The following MEP1A variants were observed in gnomAD, a reference collection of about 807,000 sequenced individuals.
MEP1A encodes the protein N-benzoyl-L-tyrosyl-P-amino-benzoic acid hydrolase subunit alpha.
In MEP1A, 68 loss-of-function variants were observed where a neutral mutation model predicts 84.5. The observed-to-expected ratio is 0.80, with a 90% confidence interval of 0.66 to 0.98. The LOEUF is 0.98. MEP1A is among the 50% of genes least tolerant of loss of function. The pLI is 0.00. For missense variants in MEP1A, 887 were observed against 919.9 expected, an observed-to-expected ratio of 0.96 and a Z score of 0.46; for synonymous variants, 337 against 336.8, an observed-to-expected ratio of 1.00 and a Z score of -0.01.
the MEP1A span, among the ~76,000 whole-genome samples, chr6:46,845,842 T>G: frequency 1.3e-5 from 2 of 152,208 alleles, no homozygotes; most frequent in Middle Eastern, 3.2e-3. Flanking sequence ...CACTTTTGCT[T>G]AAACTAGTTT....
At chr6:46,826,053 A>G (rs9472882) in intron 8 of MEP1A, among the ~76,000 whole-genome samples, 5,966 of 152,278 alleles carry the variant, frequency 0.039, 412 homozygotes, top group African/African-American at 0.14. Context: ...CCTACTAAGT[A>G]CAAAGCCAAA....
rs367917890 is a variant in MEP1A at position 46,839,148 on chromosome 6, G to T, written c.*12G>T. 6.2e-7 allele frequency: 1 copy of T among 1,609,662 alleles called. No individual in the cohort carries two copies. The highest frequency in any genetic ancestry group is 1.3e-5 in the African/African-American group (1 of 74,822). On this transcript the variant is annotated 3_prime_UTR_variant, in exon 14 of 14. Coordinates refer to ENST00000230588, the MANE Select transcript of MEP1A (RefSeq NM_005588.3). ...GGCCAAGGAAGTGACCTGCCTGCTG[G>T]CATTGGCCAGACCACAGCAGCACCT...
At position 46,839,749 on chromosome 6, in the gene MEP1A, T is replaced by G. The variant is rs963289622; in HGVS notation, c.*613T>G. 3.9e-5 allele frequency: 6 copies of G among 152,184 alleles called. No homozygotes were observed. The highest frequency in any genetic ancestry group is 1.2e-4 in the African/African-American group (5 of 41,444). The allele number at this position is 152,184 out of a possible 1,614,324, so 9.4% of individuals were successfully genotyped here. A position where few individuals can be genotyped will look rare whatever the true frequency, so the allele number is the denominator to read the frequency against. On this transcript the variant is annotated 3_prime_UTR_variant, in exon 14 of 14. Transcript: ENST00000230588. The stretch of plus-strand genomic sequence containing the variant: ...CCTCTGAGATTCTAAGAGAAGGCCT[T>G]TAATAAATTTAATAAATATTGAGTT...
intron 3 of MEP1A, among the ~76,000 whole-genome samples, chr6:46,794,166 G>A (rs938672682): frequency 1.3e-5 from 2 of 152,096 alleles, no homozygotes; most frequent in Non-Finnish European, 2.9e-5. Flanking sequence ...TCTCCACTTA[G>A]ACATCTCATT....
At position 46,833,314 on chromosome 6, in the gene MEP1A, C is replaced by T. The variant is rs756062559; in HGVS notation, c.1385C>T (p.Ser462Leu). The change falls in exon 11 of 14, where the codon TCG becomes TTG. Residue 462 changes from serine to leucine, a missense_variant. Physicochemically the swap from Ser to Leu is moderately radical, Grantham distance 145. Transcript: ENST00000230588. ...DKLQSPRFYN[S>L]EGYGFGVTLY... ...CTTCAGAGCCCTCGATTCTACAATT[C>T]GGAGGGATATGGTTTTGGGGTAACT... is the stretch of plus-strand genomic sequence containing the variant. 5.3e-5 allele frequency: 86 copies of T among 1,613,994 alleles called. 1 individual carries two copies. In the South Asian group the frequency reaches 5.6e-4, roughly 11 times the overall value.
Position 46,833,311 on chromosome 6 carries a change from A to T in MEP1A, c.1382A>T (p.Asn461Ile), listed in dbSNP as rs1167221533. The change falls in exon 11 of 14, where the codon AAT becomes ATT. Residue 461 changes from asparagine (N) to isoleucine (I), a missense_variant. Coordinates refer to ENST00000230588, the MANE Select transcript of MEP1A (RefSeq NM_005588.3). ...GDKLQSPRFY[N>I]SEGYGFGVTL... is the part of the protein sequence containing the mutation. The stretch of plus-strand genomic sequence containing the variant: ...AAGCTTCAGAGCCCTCGATTCTACA[A>T]TTCGGAGGGATATGGTTTTGGGGTA... 1 of 1,614,140 alleles carries T rather than the reference A, an allele frequency of 6.2e-7. No homozygotes were observed. Among genetic ancestry groups the T allele is most frequent in the East Asian group, 2.2e-5 (1 of 44,888 alleles).
In MEP1A at chr6:46,807,666, AAGG is replaced by A. The variant is rs762571970; in HGVS notation, c.263-1742_263-1740del. On this transcript the variant is annotated intron_variant, in intron 5 of 13. Transcript: ENST00000230588. ...GAAAGGAGAGGAGGAGGAAGAGAAG[AAGG>A]AGGAGGAGGAGAAGGAGGAGGAGGA... is the stretch of plus-strand genomic sequence containing the variant. Among the ~76,000 whole-genome samples, 191 of 147,606 alleles carry A rather than the reference AAGG, an allele frequency of 1.3e-3. 1 individual carries two copies. The highest frequency in any genetic ancestry group is 2.1e-3 in the Non-Finnish European group (139 of 66,630).
At chr6:46,812,321 C>T (rs962065733) in intron 6 of MEP1A, among the ~76,000 whole-genome samples, 2 of 151,902 alleles carry the variant, frequency 1.3e-5, no homozygotes, top group African/African-American at 2.4e-5. Flanking sequence ...TGTAATAGCT[C>T]CCATTTTGTT....
At position 46,829,400 on chromosome 6, in the gene MEP1A, G is replaced by C. The variant is rs780679267; in HGVS notation, c.973G>C (p.Glu325Gln). Residue 325 changes from glutamate to glutamine, a missense_variant, in exon 10 of 14, where the codon GAA (glutamate) becomes CAA (glutamine). Physicochemically the swap from Glu to Gln is conservative, Grantham distance 29. Coordinates refer to ENST00000230588, the MANE Select transcript of MEP1A (RefSeq NM_005588.3). ...MQFSTSSGSAEEAALLESRIL... is the reference protein window; with the variant it reads ...MQFSTSSGSAQEAALLESRIL... Reference sequence around the variant, plus strand: ...GTTCAGCACCAGCTCGGGGTCCGCGGAAGAGGCAGCCCTACTGGAGTCTCG... The same window carrying C: ...GTTCAGCACCAGCTCGGGGTCCGCGCAAGAGGCAGCCCTACTGGAGTCTCG... 1.2e-6 allele frequency: 2 copies of C among 1,614,042 alleles called. No individual in the cohort carries two copies. Among genetic ancestry groups the C allele is most frequent in the Non-Finnish European group, 8.5e-7 (1 of 1,180,036 alleles).
At position 46,824,357 on chromosome 6, in the gene MEP1A, T is replaced by G. The variant is rs527402390; in HGVS notation, c.557-915T>G. ...GTATTTAGTCATTTCTAATATTTAT[T>G]TAAATTTACAATATGTATTTTATAG... On this transcript the variant is annotated intron_variant, in intron 7 of 13. Coordinates refer to ENST00000230588, the MANE Select transcript of MEP1A (RefSeq NM_005588.3). Among the ~76,000 whole-genome samples the G allele has an allele frequency of 4.0e-5, 6 of 149,798 alleles. No homozygotes were observed. In the South Asian group the frequency reaches 1.3e-3, roughly 31 times the overall value.
intron 3 of MEP1A, among the ~76,000 whole-genome samples, chr6:46,798,215 AC>A (rs1767109715): frequency 6.6e-6 from 1 of 151,950 alleles, no homozygotes; most frequent in African/African-American, 2.4e-5. Flanking sequence ...TGATTCATCC[AC>A]CTTGGCCTCC....
chr6:46,802,166 G>T (rs1488892318), intron 5 of MEP1A, among the ~76,000 whole-genome samples: 1 of 151,788 alleles, frequency 6.6e-6, no homozygotes, highest in Non-Finnish European at 1.5e-5. Context: ...ACATAAATTT[G>T]TAGAAAACTA....
intron 10 of MEP1A, among the ~76,000 whole-genome samples, chr6:46,832,008 C>A (rs901308538): frequency 9.2e-5 from 14 of 152,110 alleles, no homozygotes; most frequent in African/African-American, 3.4e-4. Flanking sequence ...CATTGTTAGA[C>A]CTGTCCCTTG....
downstream of MEP1A, among the ~76,000 whole-genome samples, chr6:46,844,020 T>C (rs1562121425): frequency 6.6e-6 from 1 of 152,220 alleles, no homozygotes; most frequent in Admixed American, 6.5e-5. Context: ...TTTTACTTGG[T>C]TTTCTTTATT....
rs1380651580 is a variant in MEP1A at position 46,829,302 on chromosome 6, G to A, written c.929-54G>A. On this transcript the variant is annotated intron_variant, in intron 9 of 13. Coordinates refer to ENST00000230588, the MANE Select transcript of MEP1A (RefSeq NM_005588.3). ...CTATTTCACTTTGTTTGGGTGGACAGAACCCTGGGGTGTGGGAAGCCAGAC... is the reference window on the plus strand; with the variant it reads ...CTATTTCACTTTGTTTGGGTGGACAAAACCCTGGGGTGTGGGAAGCCAGAC... The A allele has an allele frequency of 2.0e-6, 3 of 1,490,122 alleles. No individual in the cohort carries two copies. In the African/African-American group the frequency reaches 4.1e-5, roughly 21 times the overall value. The allele number at this position is 1,490,122 out of a possible 1,614,324, so 92.3% of individuals were successfully genotyped here.
intron 10 of MEP1A, among the ~76,000 whole-genome samples, chr6:46,831,655 A>G (rs140014659): frequency 1.3e-5 from 2 of 152,256 alleles, no homozygotes; most frequent in African/African-American, 4.8e-5. Context: ...TTGACATCCT[A>G]TATTAAGAAA....
chr6:46,816,660 T>C (rs1767643067), intron 6 of MEP1A, among the ~76,000 whole-genome samples: 1 of 152,074 alleles, frequency 6.6e-6, no homozygotes, highest in African/African-American at 2.4e-5. Flanking sequence ...TGAACCTGGT[T>C]ACTTGGAGAA....
Position 46,821,658 on chromosome 6 carries a change from A to G in MEP1A, c.556+1954A>G, listed in dbSNP as rs1023137706. 2.6e-5 allele frequency among the ~76,000 whole-genome samples: 4 copies of G among 152,190 alleles called. No homozygotes were observed. The South Asian group carries it at 6.2e-4, about 24-fold the overall frequency. ...GAAGCAGAAAACATTTCTATTTCCA[A>G]GTCTTATAGAATACAATACTTAATG... On this transcript the variant is annotated intron_variant, in intron 7 of 13. Transcript: ENST00000230588.
chr6:46,816,075 C>A (rs1767627529), intron 6 of MEP1A, among the ~76,000 whole-genome samples: 1 of 151,918 alleles, frequency 6.6e-6, no homozygotes, highest in Non-Finnish European at 1.5e-5. Flanking sequence ...TAGCTGGGAT[C>A]ACAGGCGTGT....
Sources: allele counts gnomAD v4.1 joint callset (sites outside exome capture counted in the v4.1 genomes callset), GRCh38; gene constraint gnomAD v4.1.1; transcripts MANE v1.5; gene names NCBI Gene and HGNC (gene_info 2026-07-23, HGNC 2026-07-21).